PIP5K1C: variants seen among roughly 807,000 people sequenced by gnomAD.
The protein encoded by PIP5K1C is phosphatidylinositol-4-phosphate 5-kinase type 1 gamma.
A neutral mutation model predicts 80.1 loss-of-function variants in PIP5K1C; 45 were observed. The observed-to-expected ratio is 0.56, with a 90% CI of 0.44 to 0.72. PIP5K1C has a LOEUF of 0.72. Ranked by LOEUF, PIP5K1C falls within the 30% of genes least tolerant of loss-of-function variation. PIP5K1C has a pLI of 0.00. For missense variants in PIP5K1C, 753 were observed against 954.6 expected (o/e 0.79, Z 2.78); for synonymous variants, 498 against 420.1 (o/e 1.19, Z -2.27).
chr19:3,699,341 G>C (rs1418450848), intron 1 of PIP5K1C, among the ~76,000 whole-genome samples: 1 of 142,356 alleles, frequency 7.0e-6, no homozygotes, highest in African/African-American at 2.5e-5. Context: ...GGGGGGTGGG[G>C]GGGGGACTTG....
At position 3,688,065 on chromosome 19, in the gene PIP5K1C, C is replaced by G. The variant is rs10415924; in HGVS notation, c.94+12232G>C. 0.18 allele frequency among the ~76,000 whole-genome samples: 28,095 copies of G among 152,146 alleles called. 2,835 individuals carry two copies. Among genetic ancestry groups the G allele is most frequent in the African/African-American group, 0.25 (10,486 of 41,504 alleles). ...ACGGGATGGGTCAGGGTGCACAGAG[C>G]ACACGCCAGCCCCTGGGGGAAGCCC... is the stretch of plus-strand genomic sequence containing the variant. On this transcript the variant is annotated intron_variant, in intron 1 of 17. Coordinates refer to ENST00000335312, the MANE Select transcript of PIP5K1C (RefSeq NM_012398.3). This position sits in a 1 kb window ranked among gnomAD's most constrained non-coding sequence, Gnocchi z 5.3.
intron 15 of PIP5K1C, among the ~76,000 whole-genome samples, chr19:3,640,685 G>A (rs981224825): frequency 2.0e-5 from 3 of 151,508 alleles, no homozygotes; most frequent in Admixed American, 2.0e-4. Context: ...CAGATCACTC[G>A]AGGTCAGTTT....
At chr19:3,636,416 C>G in intron 16 of PIP5K1C, 1 of 985,442 alleles carries the variant, frequency 1.0e-6, no homozygotes, top group Non-Finnish European at 1.2e-6. Context: ...GCTGTGCCTG[C>G]TGCCGAGACC....
At chr19:3,662,370 C>T (rs1214229286) in intron 3 of PIP5K1C, among the ~76,000 whole-genome samples, 1 of 152,162 alleles carries the variant, frequency 6.6e-6, no homozygotes, top group East Asian at 1.9e-4. Context: ...TAGGGGGTAC[C>T]ATTTACAGCG....
At chr19:3,640,501 G>A (rs2033915720) in intron 15 of PIP5K1C, among the ~76,000 whole-genome samples, 1 of 152,158 alleles carries the variant, frequency 6.6e-6, no homozygotes, top group Non-Finnish European at 1.5e-5. Flanking sequence ...GGGCAACAGA[G>A]CGAGATTCTG....
At position 3,697,483 on chromosome 19, in the gene PIP5K1C, G is replaced by GGGGAGGACCGAGCTGGACCA. The variant is rs1568367078; in HGVS notation, c.94+2794_94+2813dup. Among the ~76,000 whole-genome samples, 394 of 151,330 alleles carry GGGGAGGACCGAGCTGGACCA rather than the reference G, an allele frequency of 2.6e-3. 4 individuals are homozygous for GGGGAGGACCGAGCTGGACCA. Among genetic ancestry groups the GGGGAGGACCGAGCTGGACCA allele is most frequent in the African/African-American group, 8.9e-3 (365 of 41,234 alleles). Reference sequence around the variant, plus strand: ...GGACCGAGGAGGACCGAGCTGGACCGGGGAGGACCGAGCTGGACCAGGGAG... The same window carrying GGGGAGGACCGAGCTGGACCA: ...GGACCGAGGAGGACCGAGCTGGACCGGGGAGGACCGAGCTGGACCAGGGAGGACCGAGCTGGACCAGGGAG... On this transcript the variant is annotated intron_variant, in intron 1 of 17. Transcript: ENST00000335312.
intron 1 of PIP5K1C, among the ~76,000 whole-genome samples, chr19:3,678,079 A>ATGGAGAGATGGAAGGAGG: frequency 1.0e-5 from 1 of 95,808 alleles, no homozygotes; most frequent in Non-Finnish European, 2.1e-5. Context: ...ATGGAAGGAG[A>ATGGAGAGATGGAAGGAGG]ATGGAGGATG....
In PIP5K1C at chr19:3,662,835, C is replaced by T. The variant is rs541539512; in HGVS notation, c.220-834G>A. On this transcript the variant is annotated intron_variant, in intron 3 of 17. Transcript: ENST00000335312. ...CCTGCCTGGGCCTCCCAAAATGCTG[C>T]GATTGCACGTGTGAGCCAGCACGCC... Among the ~76,000 whole-genome samples the T allele has an allele frequency of 2.1e-4, 32 of 150,108 alleles. 1 individual carries two copies. The highest frequency in any genetic ancestry group is 7.1e-4 in the African/African-American group (29 of 40,588).
rs532928248 is a variant in PIP5K1C at position 3,681,232 on chromosome 19, CT to C, written c.95-13880del. On this transcript the variant is annotated intron_variant, in intron 1 of 17. Transcript: ENST00000335312. ...ACCCGTACCTGTACCACCCTGTCCA[CT>C]TTTTTTTTTTTTTTTGAGATAGAGT... Among the ~76,000 whole-genome samples, 1,228 of 139,844 alleles carry C rather than the reference CT, an allele frequency of 8.8e-3. 3 individuals carry two copies. The highest frequency in any genetic ancestry group is 9.8e-3 in the Non-Finnish European group (626 of 63,890). The allele number at this position is 139,844 out of a possible 152,430, so 91.7% of individuals were successfully genotyped here. A position where few individuals can be genotyped will look rare whatever the true frequency, so the allele number is the denominator to read the frequency against.
At chr19:3,694,181 C>T (rs2036031838) in intron 1 of PIP5K1C, among the ~76,000 whole-genome samples, 1 of 147,196 alleles carries the variant, frequency 6.8e-6, no homozygotes, top group Non-Finnish European at 1.5e-5. Context: ...CACTGCACTC[C>T]AGCCCGGGCG....
intron 1 of PIP5K1C, among the ~76,000 whole-genome samples, chr19:3,684,940 T>C (rs1465794312): frequency 6.6e-6 from 1 of 152,230 alleles, no homozygotes; most frequent in Non-Finnish European, 1.5e-5. Context: ...AAGTTATTTC[T>C]GGGTGTGGGA....
At chr19:3,638,826 G>A (rs762421246) in intron 16 of PIP5K1C, 58 bp downstream of exon 16, 164 of 1,606,560 alleles carry the variant, frequency 1.0e-4, no homozygotes, top group Non-Finnish European at 1.3e-4. Flanking sequence ...ACGGTGGAGC[G>A]TGTGTGAGAG....
At position 3,676,371 on chromosome 19, in the gene PIP5K1C, T is replaced by G. The variant is rs370719179; in HGVS notation, c.95-9018A>C. Among the ~76,000 whole-genome samples, 218 of 152,338 alleles carry G rather than the reference T, an allele frequency of 1.4e-3. 1 individual carries two copies. The highest frequency in any genetic ancestry group is 5.1e-3 in the African/African-American group (210 of 41,576). ...ACCCACCACTCCCAGCACACCCTGG[T>G]GAGTGGCCCGCCCGGGCTTGGTTCT... On this transcript the variant is annotated intron_variant, in intron 1 of 17. Coordinates refer to ENST00000335312, the MANE Select transcript of PIP5K1C (RefSeq NM_012398.3).
At chr19:3,677,552 C>T in intron 1 of PIP5K1C, among the ~76,000 whole-genome samples, 1 of 150,704 alleles carries the variant, frequency 6.6e-6, no homozygotes, top group South Asian at 2.1e-4. Context: ...CACTGCACTC[C>T]AGCCTGGGCA....
chr19:3,648,653 C>T lies in PIP5K1C; in HGVS notation c.1183G>A (p.Gly395Ser). 1 of 1,613,080 alleles carries T rather than the reference C, an allele frequency of 6.2e-7. No individual in the cohort carries two copies. Among genetic ancestry groups the T allele is most frequent in the Non-Finnish European group, 8.5e-7 (1 of 1,179,912 alleles). Residue 395 changes from glycine to serine, a missense_variant, in exon 9 of 18, where the codon GGC (glycine) becomes AGC (serine). Coordinates refer to ENST00000335312, the MANE Select transcript of PIP5K1C (RefSeq NM_012398.3). This position sits in a 1 kb window ranked among gnomAD's most constrained non-coding sequence, Gnocchi z 4.3. ...GRGERLLLHI[G>S]IIDILQSYRF... Reference sequence around the variant, plus strand: ...TAGGACTGCAGGATGTCGATGATGCCAATGTGCAGCAGCAGCCGCTCCCCG... The same window carrying T: ...TAGGACTGCAGGATGTCGATGATGCTAATGTGCAGCAGCAGCCGCTCCCCG...
chr19:3,656,366 G>T, intron 6 of PIP5K1C, 39 bp downstream of exon 6: 1 of 1,610,672 alleles, frequency 6.2e-7, no homozygotes, highest in South Asian at 1.1e-5. Flanking sequence ...GAAGGGGGTT[G>T]ACCGAGGAGC....
At chr19:3,647,425 C>T (rs905671759) in intron 9 of PIP5K1C, 39 bp from the exon 10 acceptor site, 3 of 1,549,494 alleles carry the variant, frequency 1.9e-6, no homozygotes, top group Non-Finnish European at 2.6e-6. Context: ...TGACATCAGC[C>T]AAGCCCATGC....
At chr19:3,698,087 C>G (rs2036182044) in intron 1 of PIP5K1C, among the ~76,000 whole-genome samples, 1 of 152,262 alleles carries the variant, frequency 6.6e-6, no homozygotes, top group Non-Finnish European at 1.5e-5. Context: ...TCGGACAAGG[C>G]TCCCGCTGTA....
intron 16 of PIP5K1C, chr19:3,636,987 G>A (rs1287897377): frequency 9.7e-7 from 1 of 1,030,370 alleles, no homozygotes; most frequent in African/African-American, 1.7e-5. Flanking sequence ...AAACCGTGTG[G>A]TCTCCCAGGC....
Sources: allele counts gnomAD v4.1 joint callset (sites outside exome capture counted in the v4.1 genomes callset), GRCh38; gene constraint gnomAD v4.1.1; non-coding constraint Gnocchi (gnomAD v3.1); transcripts MANE v1.5; gene names NCBI Gene and HGNC (gene_info 2026-07-23, HGNC 2026-07-21).